The following B3GLCT variants were observed in gnomAD, a reference collection of about 807,000 sequenced individuals.
The protein encoded by B3GLCT is beta 3-glucosyltransferase.
In B3GLCT, 65 loss-of-function variants were observed where a neutral mutation model predicts 63.4. The observed-to-expected ratio is 1.03, with a 90% CI of 0.84 to 1.26. The LOEUF is 1.26. Ranked by LOEUF, B3GLCT falls within the 50% of genes most tolerant of loss-of-function variation. The pLI is 0.00. For synonymous variants in B3GLCT, 233 were observed against 219.2 expected (o/e 1.06, Z -0.55); for missense variants, 577 against 604.8 (o/e 0.95, Z 0.48).
At chr13:31,264,626 G>A (rs1012830912) in intron 7 of B3GLCT, among the ~76,000 whole-genome samples, 9 of 152,122 alleles carry the variant, frequency 5.9e-5, no homozygotes, top group African/African-American at 1.7e-4. Flanking sequence ...CTATCTTGTG[G>A]TCAAGATATA....
chr13:31,260,319 C>T (rs747514874), intron 6 of B3GLCT: 2 of 152,284 alleles, frequency 1.3e-5, no homozygotes, highest in African/African-American at 2.4e-5. Flanking sequence ...ATAGGTCCAG[C>T]TCCTTGATAT....
chr13:31,265,369 T>C (rs1872240756), intron 7 of B3GLCT, among the ~76,000 whole-genome samples: 1 of 152,196 alleles, frequency 6.6e-6, no homozygotes, highest in Non-Finnish European at 1.5e-5. Flanking sequence ...CTCTGTATTA[T>C]ATAGACAACC....
At chr13:31,283,482 T>C (rs1873167685) in intron 10 of B3GLCT, among the ~76,000 whole-genome samples, 1 of 152,216 alleles carries the variant, frequency 6.6e-6, no homozygotes, top group Non-Finnish European at 1.5e-5. Context: ...CATTTTGACA[T>C]GTAGAAACCT....
chr13:31,287,186 G>A (rs1272149434), intron 12 of B3GLCT, among the ~76,000 whole-genome samples: 1 of 152,174 alleles, frequency 6.6e-6, no homozygotes, highest in African/African-American at 2.4e-5. Flanking sequence ...GGCTATTACA[G>A]TTTGCAGGAC....
At chr13:31,233,984 A>C (rs1189078975) in intron 4 of B3GLCT, among the ~76,000 whole-genome samples, 1 of 151,324 alleles carries the variant, frequency 6.6e-6, no homozygotes, top group Non-Finnish European at 1.5e-5. Flanking sequence ...AGAGAGGAGA[A>C]GGGCCATCAG....
At chr13:31,246,951 C>CT (rs66466340) in intron 4 of B3GLCT, 72 bp from the exon 5 acceptor site, 185,511 of 754,000 alleles carry the variant, frequency 0.25, 10,016 homozygotes, top group East Asian at 0.45. Context: ...CTTTTCTTTT[C>CT]TTTTTTTTTT....
At chr13:31,243,444 A>T (rs1871046673) in intron 4 of B3GLCT, among the ~76,000 whole-genome samples, 1 of 152,208 alleles carries the variant, frequency 6.6e-6, no homozygotes, top group African/African-American at 2.4e-5. Context: ...GTTATTTATG[A>T]TATTTTATAT....
At chr13:31,233,675 T>A (rs1349010814) in intron 4 of B3GLCT, among the ~76,000 whole-genome samples, 1 of 152,136 alleles carries the variant, frequency 6.6e-6, no homozygotes, top group Admixed American at 6.5e-5. Flanking sequence ...CCAGGATATA[T>A]CATGTGGGTA....
In B3GLCT at chr13:31,215,056, G is replaced by C. The variant is rs774429720; in HGVS notation, c.76G>C (p.Gly26Arg). 1 of 1,599,136 alleles carries C rather than the reference G, an allele frequency of 6.3e-7. No homozygotes were observed. Among genetic ancestry groups the C allele is most frequent in the Admixed American group, 1.7e-5 (1 of 58,274 alleles). ...TCTTTTTTTTTTTTTTCCAGCTTTT[G>C]GTTTGGCTTCTGAAGATACAAAGAA... ...LALLTCSLAF[G>R]LASEDTKKEV... Residue 26 changes from glycine to arginine, a missense_variant, in exon 2 of 15, where the codon GGT (glycine) becomes CGT (arginine). Gly to Arg is a moderately radical substitution (Grantham distance 125). Transcript: ENST00000343307.
At chr13:31,200,563 C>T (rs1298798631) in intron 1 of B3GLCT, among the ~76,000 whole-genome samples, 1 of 150,952 alleles carries the variant, frequency 6.6e-6, no homozygotes, top group African/African-American at 2.4e-5. Flanking sequence ...GGCGGTCCCG[C>T]CCCCCTGCCT....
At position 31,229,311 on chromosome 13, in the gene B3GLCT, G is replaced by C; in HGVS notation, c.270+17G>C. The C allele has an allele frequency of 4.2e-6, 6 of 1,412,548 alleles. No individual in the cohort carries two copies. Among genetic ancestry groups the C allele is most frequent in the Non-Finnish European group, 6.0e-6 (6 of 996,206 alleles). The allele number at this position is 1,412,548 out of a possible 1,614,324, so 87.5% of individuals were successfully genotyped here. A position where few individuals can be genotyped will look rare whatever the true frequency, so the allele number is the denominator to read the frequency against. ...CTTACACAGGTACGTAGCGATGGCT[G>C]GGGGGTCTGCCAGTTATGTATTTCT... is the stretch of plus-strand genomic sequence containing the variant. On this transcript the variant is annotated intron_variant, in intron 4 of 14. Transcript: ENST00000343307.
chr13:31,258,968 CT>C (rs1449370111), intron 6 of B3GLCT, among the ~76,000 whole-genome samples: 3 of 151,962 alleles, frequency 2.0e-5, no homozygotes, highest in East Asian at 1.9e-4. Flanking sequence ...CTTTTCTTCC[CT>C]TTTTTTTCTT....
intron 12 of B3GLCT, among the ~76,000 whole-genome samples, chr13:31,295,988 G>T (rs114497194): frequency 0.027 from 4,071 of 152,316 alleles, 191 homozygotes; most frequent in African/African-American, 0.093. Flanking sequence ...TGAAGACCGT[G>T]GGACAAGTGT....
intron 1 of B3GLCT, among the ~76,000 whole-genome samples, chr13:31,214,437 C>G (rs1326162909): frequency 4.6e-5 from 7 of 152,196 alleles, no homozygotes; most frequent in African/African-American, 1.4e-4. Context: ...TGTGATGGCT[C>G]TGACTCCAAA....
intron 12 of B3GLCT, among the ~76,000 whole-genome samples, chr13:31,297,684 G>A (rs888990259): frequency 1.3e-5 from 2 of 152,064 alleles, no homozygotes; most frequent in Non-Finnish European, 2.9e-5. Flanking sequence ...CCCCAAGACT[G>A]CCCTACCACC....
At chr13:31,248,259 T>C (rs965211074) in intron 6 of B3GLCT, among the ~76,000 whole-genome samples, 2 of 152,240 alleles carry the variant, frequency 1.3e-5, no homozygotes, top group African/African-American at 4.8e-5. Context: ...CTGCTTTTCT[T>C]AGCAATAAAC....
chr13:31,273,898 G>A (rs955392039), intron 8 of B3GLCT, among the ~76,000 whole-genome samples: 1 of 152,142 alleles, frequency 6.6e-6, no homozygotes, highest in Non-Finnish European at 1.5e-5. Flanking sequence ...TTTATGTAGG[G>A]GGATTGCTGT....
intron 6 of B3GLCT, among the ~76,000 whole-genome samples, chr13:31,258,245 C>T (rs1397506011): frequency 6.6e-6 from 1 of 152,140 alleles, no homozygotes; most frequent in Non-Finnish European, 1.5e-5. Context: ...ACTCTCAATG[C>T]CTTTCTAAAC....
chr13:31,261,156 C>T, intron 7 of B3GLCT, 74 bp downstream of exon 7: 4 of 1,508,522 alleles, frequency 2.7e-6, no homozygotes, highest in Non-Finnish European at 2.7e-6. Flanking sequence ...AGTACTGTAA[C>T]TGATGGATCT....
Sources: gnomAD v4.1 joint callset for allele counts (sites outside exome capture counted in the v4.1 genomes callset) on GRCh38, gnomAD v4.1.1 for gene constraint, MANE v1.5 for transcripts, NCBI Gene and HGNC (gene_info 2026-07-23, HGNC 2026-07-21) for gene names.